SLC35F2: variants seen among roughly 807,000 people sequenced by gnomAD.
The protein encoded by SLC35F2 is queuine/queuosine transporter SLC35F2.
A neutral mutation model predicts 38.1 loss-of-function variants in SLC35F2; 25 were observed. The observed-to-expected ratio is 0.66, with a 90% CI of 0.48 to 0.92. SLC35F2 has a LOEUF of 0.92. Ranked by LOEUF, SLC35F2 falls within the 40% of genes least tolerant of loss-of-function variation. SLC35F2 has a pLI of 0.00. For synonymous variants in SLC35F2, 173 were observed against 181.7 expected (o/e 0.95, Z 0.38); for missense variants, 409 against 452.9 (o/e 0.90, Z 0.88).
chr11:107,857,302 C>T (rs1035017816), intron 1 of SLC35F2, among the ~76,000 whole-genome samples: 3 of 120,284 alleles, frequency 2.5e-5, no homozygotes, highest in East Asian at 2.6e-4. Flanking sequence ...AGAGAGGGAA[C>T]GAAGGAAGGA....
intron 3 of SLC35F2, 142 bp from the exon 4 acceptor site, chr11:107,807,018 C>G (rs914061338): frequency 1.5e-6 from 1 of 682,542 alleles, no homozygotes; most frequent in African/African-American, 1.8e-5. Context: ...GTACTAAGAG[C>G]TTTACCTGGA....
chr11:107,826,325 G>A (rs1859754994), intron 1 of SLC35F2, among the ~76,000 whole-genome samples: 1 of 148,882 alleles, frequency 6.7e-6, no homozygotes, highest in Non-Finnish European at 1.5e-5. Context: ...TGTCCATGCT[G>A]GAGTGCAATA....
chr11:107,835,324 C>T (rs1412310771), intron 1 of SLC35F2, among the ~76,000 whole-genome samples: 1 of 152,120 alleles, frequency 6.6e-6, no homozygotes. Context: ...TTTGCAGTAG[C>T]ACACCACTTC....
At chr11:107,823,149 G>A in intron 1 of SLC35F2, 1 of 985,320 alleles carries the variant, frequency 1.0e-6, no homozygotes, top group Non-Finnish European at 1.2e-6. Flanking sequence ...GCCCAAACCA[G>A]TTGGATCAGA....
At position 107,833,518 on chromosome 11, in the gene SLC35F2, CAA is replaced by C. The variant is rs34376803; in HGVS notation, c.111-17555_111-17554del. Among the ~76,000 whole-genome samples, 163 of 89,512 alleles carry C rather than the reference CAA, an allele frequency of 1.8e-3. 1 individual carries two copies. Among genetic ancestry groups the C allele is most frequent in the African/African-American group, 7.0e-3 (144 of 20,570 alleles). The allele number at this position is 89,512 out of a possible 152,430, so 58.7% of individuals were successfully genotyped here. A position where few individuals can be genotyped will look rare whatever the true frequency, so the allele number is the denominator to read the frequency against. On this transcript the variant is annotated intron_variant, in intron 1 of 7. Transcript: ENST00000525815. ...TGGGCATCAGAGTGAGACTCTGTCT[CAA>C]AAAAAAAAAAAAAAAAAGGAGAGAG...
At chr11:107,823,299 A>G in intron 1 of SLC35F2, 1 of 764,808 alleles carries the variant, frequency 1.3e-6, no homozygotes, top group Non-Finnish European at 1.6e-6. Flanking sequence ...GATAAGATGC[A>G]TTATTTGAAT....
Position 107,858,732 on chromosome 11 carries a change from TG to T in SLC35F2, c.35del (p.Pro12GlnfsTer19). On this transcript the variant is annotated frameshift_variant, in exon 1 of 8. Transcript: ENST00000525815. LOFTEE classifies it high-confidence loss of function. Reference protein sequence around the residue: ...EADSPAGPGAPEPLAEGAAAE... With the variant: ...EADSPAGPGAXEPLAEGAAAE... Reference sequence around the variant, plus strand: ...CCGCCGCTCCCTCCGCGAGGGGCTCTGGGGCGCCGGGGCCCGCTGGCGAGTC... The same window carrying T: ...CCGCCGCTCCCTCCGCGAGGGGCTCTGGGCGCCGGGGCCCGCTGGCGAGTC... 1 of 1,289,286 alleles carries T rather than the reference TG, an allele frequency of 7.8e-7. No homozygotes were observed. The highest frequency in any genetic ancestry group is 9.9e-7 in the Non-Finnish European group (1 of 1,010,594). 79.9% of individuals were successfully genotyped at this position (1,289,286 alleles called of 1,614,324 possible).
intron 1 of SLC35F2, among the ~76,000 whole-genome samples, chr11:107,834,798 AT>A (rs1859903382): frequency 6.6e-6 from 1 of 152,180 alleles, no homozygotes; most frequent in Non-Finnish European, 1.5e-5. Flanking sequence ...ATCTAAGTAT[AT>A]TTTTCCATAC....
rs71047621 is a variant in SLC35F2, at chr11:107,799,893, G to GT, written c.939+3107dup. Among the ~76,000 whole-genome samples, 410 of 135,904 alleles carry GT rather than the reference G, an allele frequency of 3.0e-3. 7 individuals carry two copies. In the South Asian group the frequency reaches 0.032, roughly 11 times the overall value. The allele number at this position is 135,904 out of a possible 152,430, so 89.2% of individuals were successfully genotyped here. On this transcript the variant is annotated intron_variant, in intron 7 of 7. Transcript: ENST00000525815. Reference sequence around the variant, plus strand: ...TTTTTTTTTGTTTTTGTTTGTTTTTGTTTTTTTTTTTTTGAGACAGAGTCT... The same window carrying GT: ...TTTTTTTTTGTTTTTGTTTGTTTTTGTTTTTTTTTTTTTTGAGACAGAGTCT...
chr11:107,793,216 C>T (rs183745109), intron 7 of SLC35F2, among the ~76,000 whole-genome samples: 2 of 152,332 alleles, frequency 1.3e-5, no homozygotes, highest in East Asian at 3.9e-4. Flanking sequence ...CCATGCCTGG[C>T]CTCATGATCT....
At chr11:107,793,690 C>G (rs896818058) in intron 7 of SLC35F2, among the ~76,000 whole-genome samples, 29 of 151,952 alleles carry the variant, frequency 1.9e-4, no homozygotes, top group African/African-American at 6.3e-4. Flanking sequence ...CTAGAAAGAG[C>G]CTAAGATACT....
intron 4 of SLC35F2, among the ~76,000 whole-genome samples, chr11:107,806,316 C>A (rs1027018901): frequency 2.6e-4 from 40 of 152,186 alleles, no homozygotes; most frequent in Non-Finnish European, 5.1e-4. Context: ...CCCTCTCAAT[C>A]CAAAGAGACA....
At chr11:107,792,917 CTTTCTTTCTTTCTT>C (rs1859156327) in intron 7 of SLC35F2, 117 bp from the exon 8 acceptor site, 1 of 1,316,902 alleles carries the variant, frequency 7.6e-7, no homozygotes, top group Non-Finnish European at 9.7e-7. Context: ...TTCTTTCTTT[CTTTCTTTCTTTCTT>C]TTTAAGACAG....
intron 7 of SLC35F2, among the ~76,000 whole-genome samples, chr11:107,799,509 T>C (rs1859271692): frequency 6.6e-6 from 1 of 152,204 alleles, no homozygotes; most frequent in Admixed American, 6.5e-5. Flanking sequence ...TTGTAGTCTA[T>C]GACAATTTGG....
At position 107,811,787 on chromosome 11, in the gene SLC35F2, A is replaced by G. The variant is rs1229285425; in HGVS notation, c.294T>C (p.Asp98=). The change falls in exon 3 of 8, where the codon GAT becomes GAC. Residue 98 remains aspartate (D), a synonymous_variant. Coordinates refer to ENST00000525815, the MANE Select transcript of SLC35F2 (RefSeq NM_017515.5). ...TVMLAFRSGS[D]NLLVILKRKW... ...TTCTTTTCAAGATTACTAAAAGGTT[A>G]TCACTGCCTGGTTGAAAGAAATATG... 6.2e-7 allele frequency: 1 copy of G among 1,613,852 alleles called. No homozygotes were observed. The highest frequency in any genetic ancestry group is 1.1e-5 in the South Asian group (1 of 91,052).
At chr11:107,857,343 G>GGGAA (rs1226466321) in intron 1 of SLC35F2, among the ~76,000 whole-genome samples, 2 of 137,832 alleles carry the variant, frequency 1.5e-5, no homozygotes, top group Admixed American at 7.6e-5. Flanking sequence ...AGGAGAGAGA[G>GGGAA]GGAAGGAAGG....
intron 3 of SLC35F2, 103 bp downstream of exon 3, chr11:107,811,564 C>A: frequency 4.4e-6 from 5 of 1,133,424 alleles, no homozygotes; most frequent in South Asian, 3.3e-5. Flanking sequence ...TTTAGGTTTT[C>A]TTCAAGTGAA....
chr11:107,803,349 T>C (rs1859343717), intron 6 of SLC35F2, 194 bp from the exon 7 acceptor site: 2 of 985,134 alleles, frequency 2.0e-6, no homozygotes, highest in Admixed American at 1.2e-4. Context: ...AGTTGTGATG[T>C]AGATAAAGGA....
chr11:107,802,242 A>AAAAATAAAAATAAATAAAT (rs559048077), intron 7 of SLC35F2, among the ~76,000 whole-genome samples: 1 of 147,892 alleles, frequency 6.8e-6, no homozygotes. Flanking sequence ...CATCTCAAAA[A>AAAAATAAAAATAAATAAAT]AAATAAATAA....
Sources: allele counts gnomAD v4.1 joint callset (sites outside exome capture counted in the v4.1 genomes callset), GRCh38; gene constraint gnomAD v4.1.1; transcripts MANE v1.5; gene names NCBI Gene and HGNC (gene_info 2026-07-23, HGNC 2026-07-21).